The following SLC1A1 variants were observed in gnomAD, a reference collection of about 807,000 sequenced individuals.
SLC1A1 encodes excitatory amino acid transporter 3.
In SLC1A1, 43 loss-of-function variants were observed where a neutral mutation model predicts 53.3. The ratio of observed to expected loss-of-function variants is 0.81; its 90% CI spans 0.63 to 1.04. The LOEUF (loss-of-function observed/expected upper bound fraction) is 1.04. Ranked by LOEUF, SLC1A1 falls within the 50% of genes least tolerant of loss-of-function variation. The probability of loss-of-function intolerance (pLI) is 0.00; values close to 1 mark genes in which losing one functional copy is unlikely to be tolerated. For missense variants in SLC1A1, 748 were observed against 664.9 expected, an observed-to-expected ratio of 1.12 and a Z score of -1.37; for synonymous variants, 307 against 243.2, an observed-to-expected ratio of 1.26 and a Z score of -2.44.
chr9:4,493,763 G>A (rs576471380), intron 1 of SLC1A1, among the ~76,000 whole-genome samples: 4 of 152,274 alleles, frequency 2.6e-5, no homozygotes, highest in Admixed American at 6.5e-5. Flanking sequence ...ATAATGCAAT[G>A]AAATGTTCAG....
intron 1 of SLC1A1, among the ~76,000 whole-genome samples, chr9:4,528,721 C>G (rs537113094): frequency 5.3e-5 from 8 of 152,270 alleles, no homozygotes; most frequent in African/African-American, 1.9e-4. Context: ...TGAGCCCTAA[C>G]CTTAACAGTA....
At chr9:4,509,693 A>G (rs1177109862) in intron 1 of SLC1A1, among the ~76,000 whole-genome samples, 1 of 152,194 alleles carries the variant, frequency 6.6e-6, no homozygotes, top group Non-Finnish European at 1.5e-5. Flanking sequence ...GAGCAGGACA[A>G]AGAAAGACAG....
intron 6 of SLC1A1, 151 bp from the exon 7 acceptor site, chr9:4,572,053 T>C (rs1820107990): frequency 3.0e-6 from 2 of 674,264 alleles, no homozygotes; most frequent in Non-Finnish European, 5.2e-6. Context: ...GTTTTTATTA[T>C]TGTTTTTATA....
chr9:4,549,627 G>A lies in SLC1A1; in HGVS notation c.232+4920G>A, dbSNP rs543532847. On this transcript the variant is annotated intron_variant, in intron 2 of 11. Coordinates refer to ENST00000262352, the MANE Select transcript of SLC1A1 (RefSeq NM_004170.6). This position sits in a 1 kb window ranked among gnomAD's most constrained non-coding sequence, Gnocchi z 4.1. ...CCAAGTTCTAAGAAGGAAAAATTCC[G>A]CTATCACACAGGCCATCCTGTCCTG... Among the ~76,000 whole-genome samples the A allele has an allele frequency of 7.4e-4, 113 of 152,196 alleles. 2 individuals carry two copies. The highest frequency in any genetic ancestry group is 1.5e-3 in the Non-Finnish European group (100 of 67,994).
intron 3 of SLC1A1, among the ~76,000 whole-genome samples, chr9:4,563,994 T>C (rs952994819): frequency 5.9e-5 from 9 of 152,132 alleles, no homozygotes; most frequent in Non-Finnish European, 1.0e-4. Flanking sequence ...CCCTAACACC[T>C]TCCTAGGCTG....
chr9:4,499,943 C>A (rs774325127), intron 1 of SLC1A1, among the ~76,000 whole-genome samples: 51 of 152,174 alleles, frequency 3.4e-4, no homozygotes, highest in Non-Finnish European at 6.0e-4. Flanking sequence ...TGGGTTATGT[C>A]AGACAAGGTA....
intron 1 of SLC1A1, among the ~76,000 whole-genome samples, chr9:4,537,942 T>C (rs767989240): frequency 9.2e-4 from 138 of 150,434 alleles, no homozygotes; most frequent in Non-Finnish European, 2.7e-4. Context: ...AAAAAAAATT[T>C]ACAAAAAACT....
Position 4,583,246 on chromosome 9 carries a change from GTCA to G in SLC1A1, c.1328+79_1328+81del, listed in dbSNP as rs1323196609. On this transcript the variant is annotated intron_variant, in intron 11 of 11. Coordinates refer to ENST00000262352, the MANE Select transcript of SLC1A1 (RefSeq NM_004170.6). This position sits in a 1 kb window ranked among gnomAD's most constrained non-coding sequence, Gnocchi z 4.6. ...CCCAGCCTCGCAGGCGCTGCAGTCT[GTCA>G]TCATTCTCTCCTCAGATTGCCTAAT... is the stretch of plus-strand genomic sequence containing the variant. 6.3e-7 allele frequency: 1 copy of G among 1,583,842 alleles called. No homozygotes were observed. Among genetic ancestry groups the G allele is most frequent in the African/African-American group, 1.3e-5 (1 of 74,360 alleles).
rs59142613 is a variant in SLC1A1 at position 4,541,905 on chromosome 9, A to G, written c.92-2662A>G. On this transcript the variant is annotated intron_variant, in intron 1 of 11. Transcript: ENST00000262352. ...CAAGGTTCTGACTCTGTTAATGGGTAAAGAAAGGTTATGCCCTATGAGACT... is the reference window on the plus strand; with the variant it reads ...CAAGGTTCTGACTCTGTTAATGGGTGAAGAAAGGTTATGCCCTATGAGACT... 4.7e-3 allele frequency among the ~76,000 whole-genome samples: 720 copies of G among 152,260 alleles called. 8 individuals carry two copies. Among genetic ancestry groups the G allele is most frequent in the African/African-American group, 0.016 (682 of 41,534 alleles).
In SLC1A1 at chr9:4,556,565, G is replaced by C. The variant is rs933656812; in HGVS notation, c.233-4884G>C. Among the ~76,000 whole-genome samples, 3 of 152,224 alleles carry C rather than the reference G, an allele frequency of 2.0e-5. No homozygotes were observed. The highest frequency in any genetic ancestry group is 7.2e-5 in the African/African-American group (3 of 41,526). ...GATGGCCTGAGAGCAAGAAACCCGG[G>C]GGTCCATTGAGAATAAAAACTCAGA... is the stretch of plus-strand genomic sequence containing the variant. On this transcript the variant is annotated intron_variant, in intron 2 of 11. Transcript: ENST00000262352. This position sits in a 1 kb window ranked among gnomAD's most constrained non-coding sequence, Gnocchi z 4.1.
At chr9:4,561,633 T>C (rs987755105) in intron 3 of SLC1A1, 92 bp downstream of exon 3, 5 of 833,120 alleles carry the variant, frequency 6.0e-6, no homozygotes, top group African/African-American at 1.7e-5. Flanking sequence ...GGCTCAGGCC[T>C]GTAATCTCAG....
In SLC1A1 at chr9:4,561,427, T is replaced by G. The variant is rs536618476; in HGVS notation, c.233-22T>G. On this transcript the variant is annotated intron_variant, in intron 2 of 11. Coordinates refer to ENST00000262352, the MANE Select transcript of SLC1A1 (RefSeq NM_004170.6). The stretch of plus-strand genomic sequence containing the variant: ...ACCTGTCTTTTAAAATTAATGTAAT[T>G]TGATTTCTGTCTCCCCTTCAGGTGT... 2.1e-4 allele frequency: 302 copies of G among 1,429,536 alleles called. 2 individuals are homozygous for G. In the South Asian group the frequency reaches 3.3e-3, roughly 16 times the overall value. The allele number at this position is 1,429,536 out of a possible 1,614,324, so 88.6% of individuals were successfully genotyped here. A position where few individuals can be genotyped will look rare whatever the true frequency, so the allele number is the denominator to read the frequency against.
chr9:4,565,902 A>G, intron 4 of SLC1A1, 145 bp from the exon 5 acceptor site: 2 of 727,256 alleles, frequency 2.8e-6, no homozygotes, highest in African/African-American at 1.8e-5. Context: ...AGAAATCTCA[A>G]TACAAGGAAG....
intron 6 of SLC1A1, among the ~76,000 whole-genome samples, chr9:4,571,775 A>C (rs1820079606): frequency 6.6e-6 from 1 of 152,222 alleles, no homozygotes; most frequent in Non-Finnish European, 1.5e-5. Context: ...GGTAAAACAG[A>C]AGGTAAAATG....
intron 10 of SLC1A1, among the ~76,000 whole-genome samples, chr9:4,578,433 G>A (rs1196674941): frequency 1.3e-5 from 2 of 152,176 alleles, no homozygotes; most frequent in African/African-American, 4.8e-5. Context: ...ATGACATGAC[G>A]TAGGGAGAGT....
chr9:4,492,465 G>C (rs1049640955), intron 1 of SLC1A1, among the ~76,000 whole-genome samples: 3 of 130,646 alleles, frequency 2.3e-5, no homozygotes, highest in Non-Finnish European at 4.7e-5. Flanking sequence ...CTGGGTGACA[G>C]AGCAAGAATC....
At chr9:4,497,028 T>G (rs1029374624) in intron 1 of SLC1A1, among the ~76,000 whole-genome samples, 2 of 152,136 alleles carry the variant, frequency 1.3e-5, no homozygotes, top group African/African-American at 2.4e-5. Context: ...AGAACGGGAC[T>G]TTATACTCCT....
intron 1 of SLC1A1, among the ~76,000 whole-genome samples, chr9:4,511,566 T>TACACACAC (rs113277990): frequency 0.17 from 25,181 of 146,134 alleles, 2,315 homozygotes; most frequent in Non-Finnish European, 0.21. Context: ...TTAAGAATTC[T>TACACACAC]ACACACACAC....
chr9:4,551,427 T>C (rs982666112), intron 2 of SLC1A1, among the ~76,000 whole-genome samples: 1 of 152,218 alleles, frequency 6.6e-6, no homozygotes, highest in Non-Finnish European at 1.5e-5. Flanking sequence ...CACATGGTCA[T>C]GGAGCTGAGG....
Sources: gnomAD v4.1 joint callset for allele counts (sites outside exome capture counted in the v4.1 genomes callset) on GRCh38, gnomAD v4.1.1 for gene constraint, Gnocchi (gnomAD v3.1) non-coding constraint, MANE v1.5 for transcripts, NCBI Gene and HGNC (gene_info 2026-07-23, HGNC 2026-07-21) for gene names.